Variants in ETV6 observed in about 807,000 individuals in gnomAD.
The protein encoded by ETV6 is ETS variant transcription factor 6.
A neutral mutation model predicts 51.1 loss-of-function variants in ETV6; 16 were observed. The observed-to-expected ratio is 0.31, with a 90% CI of 0.21 to 0.48. ETV6 has a LOEUF of 0.48. Ranked by LOEUF, ETV6 falls within the 20% of genes least tolerant of loss-of-function variation. The pLI, the probability that ETV6 is intolerant of heterozygous loss-of-function variation, is 0.99. For synonymous variants in ETV6, 240 were observed against 224.1 expected, an observed-to-expected ratio of 1.07 and a Z score of -0.64; for missense variants, 458 against 594.8, an observed-to-expected ratio of 0.77 and a Z score of 2.39.
chr12:11,717,858 C>G (rs1451891988), intron 1 of ETV6, among the ~76,000 whole-genome samples: 1 of 152,188 alleles, frequency 6.6e-6, no homozygotes, highest in African/African-American at 2.4e-5. Context: ...TATCTGACCT[C>G]CAACTACTCG....
chr12:11,659,651 C>T (rs1483735841), intron 1 of ETV6, among the ~76,000 whole-genome samples: 5 of 152,206 alleles, frequency 3.3e-5, no homozygotes, highest in Non-Finnish European at 7.3e-5. Context: ...GACATGCAGA[C>T]TCTAAAGCAT....
intron 2 of ETV6, among the ~76,000 whole-genome samples, chr12:11,765,211 A>G (rs188609294): frequency 4.6e-4 from 70 of 152,318 alleles, no homozygotes; most frequent in African/African-American, 1.3e-3. Flanking sequence ...GACTCTCCCT[A>G]GTCCCTTGCT....
intron 6 of ETV6, among the ~76,000 whole-genome samples, chr12:11,885,608 C>CGGAGCAGA (rs1439098615): frequency 2.4e-4 from 36 of 152,182 alleles, no homozygotes; most frequent in African/African-American, 8.4e-4. Context: ...ATTCCTCAGG[C>CGGAGCAGA]GGAGCAGAGA....
At chr12:11,730,168 C>T (rs1014210067) in intron 1 of ETV6, among the ~76,000 whole-genome samples, 2 of 152,162 alleles carry the variant, frequency 1.3e-5, no homozygotes, top group African/African-American at 4.8e-5. Context: ...ACAACTCTTC[C>T]TCTACAATCC....
intron 2 of ETV6, among the ~76,000 whole-genome samples, chr12:11,773,928 G>A (rs561855704): frequency 2.6e-5 from 4 of 152,322 alleles, no homozygotes; most frequent in South Asian, 4.1e-4. Flanking sequence ...CTGCTGCTGC[G>A]CTGGCTGGCA....
In ETV6 at chr12:11,809,448, A is replaced by G. The variant is rs530018571; in HGVS notation, c.164-29692A>G. 2.0e-5 allele frequency among the ~76,000 whole-genome samples: 3 copies of G among 152,330 alleles called. No homozygotes were observed. In the East Asian group the frequency reaches 5.8e-4, roughly 29 times the overall value. ...AGCTATTGATTTCCTCTTCTAATAAAGAGGAGAATGATATGGATAGTCCAG... is the reference window on the plus strand; with the variant it reads ...AGCTATTGATTTCCTCTTCTAATAAGGAGGAGAATGATATGGATAGTCCAG... On this transcript the variant is annotated intron_variant, in intron 2 of 7. Transcript: ENST00000396373.
chr12:11,682,086 G>A (rs1339881878), intron 1 of ETV6, among the ~76,000 whole-genome samples: 1 of 152,154 alleles, frequency 6.6e-6, no homozygotes, highest in Admixed American at 6.5e-5. Context: ...TATATACCTA[G>A]TAATGGGATT....
chr12:11,791,541 C>T (rs1229073071), intron 2 of ETV6, among the ~76,000 whole-genome samples: 1 of 152,172 alleles, frequency 6.6e-6, no homozygotes, highest in Non-Finnish European at 1.5e-5. Flanking sequence ...CCTGTAAGGT[C>T]GTGCATAAGG....
intron 2 of ETV6, among the ~76,000 whole-genome samples, chr12:11,764,480 A>G (rs572923668): frequency 3.9e-5 from 6 of 152,322 alleles, no homozygotes; most frequent in African/African-American, 1.4e-4. Context: ...AGAATGTGCA[A>G]GTCATCTGCA....
chr12:11,687,370 G>A lies in ETV6; in HGVS notation c.33+37210G>A, dbSNP rs557546889. Among the ~76,000 whole-genome samples, 526 of 151,390 alleles carry A rather than the reference G, an allele frequency of 3.5e-3. 4 individuals are homozygous for A. Among genetic ancestry groups the A allele is most frequent in the African/African-American group, 0.012 (493 of 41,200 alleles). ...TAATTTTTGTATTTTTAGTAAAAAC[G>A]AGGTTTCACCATGTTGGCCAGGCTG... is the stretch of plus-strand genomic sequence containing the variant. On this transcript the variant is annotated intron_variant, in intron 1 of 7. Coordinates refer to ENST00000396373, the MANE Select transcript of ETV6 (RefSeq NM_001987.5).
intron 2 of ETV6, among the ~76,000 whole-genome samples, chr12:11,815,149 A>G (rs1334566803): frequency 1.3e-5 from 2 of 152,172 alleles, no homozygotes; most frequent in African/African-American, 4.8e-5. Flanking sequence ...AGTCATGTCG[A>G]AGAACCTTCA....
intron 2 of ETV6, among the ~76,000 whole-genome samples, chr12:11,804,493 C>T (rs1477015819): frequency 1.0e-5 from 1 of 96,674 alleles, no homozygotes; most frequent in African/African-American, 4.5e-5. Flanking sequence ...TTGGAACACA[C>T]AAGTTTATGT....
chr12:11,825,499 T>A (rs1244697375), intron 2 of ETV6: 7 of 152,240 alleles, frequency 4.6e-5, no homozygotes, highest in African/African-American at 1.7e-4. Flanking sequence ...TGTCTTCACA[T>A]GGCCATCTCC....
chr12:11,875,772 A>G (rs551061241), intron 5 of ETV6, among the ~76,000 whole-genome samples: 2 of 152,306 alleles, frequency 1.3e-5, no homozygotes, highest in South Asian at 2.1e-4. Context: ...ACTGTGGCCC[A>G]AAGTGTGAGC....
chr12:11,726,243 G>A (rs1212449189), intron 1 of ETV6, among the ~76,000 whole-genome samples: 3 of 152,222 alleles, frequency 2.0e-5, no homozygotes, highest in African/African-American at 7.2e-5. Context: ...GGAAGAAGGA[G>A]TGTGAGGAGC....
At chr12:11,876,223 C>T (rs1946980435) in intron 5 of ETV6, among the ~76,000 whole-genome samples, 1 of 152,166 alleles carries the variant, frequency 6.6e-6, no homozygotes. Flanking sequence ...AAATAAAATA[C>T]TAAGTATTTA....
At chr12:11,786,551 G>C (rs1022663019) in intron 2 of ETV6, among the ~76,000 whole-genome samples, 1 of 152,140 alleles carries the variant, frequency 6.6e-6, no homozygotes, top group African/African-American at 2.4e-5. Context: ...GTCTAGAGGA[G>C]AGTCTTTTAT....
chr12:11,657,232 G>A (rs764601611), intron 1 of ETV6, among the ~76,000 whole-genome samples: 7 of 152,140 alleles, frequency 4.6e-5, no homozygotes, highest in Non-Finnish European at 7.4e-5. Context: ...GTCTTGTGGC[G>A]TTTAAAGAGC....
intron 1 of ETV6, among the ~76,000 whole-genome samples, chr12:11,720,189 G>C (rs1865356511): frequency 6.6e-6 from 1 of 152,190 alleles, no homozygotes; most frequent in Non-Finnish European, 1.5e-5. Flanking sequence ...GCATGTTCAG[G>C]CACAGCATTA....
Sources: allele counts gnomAD v4.1 joint callset (sites outside exome capture counted in the v4.1 genomes callset), GRCh38; gene constraint gnomAD v4.1.1; transcripts MANE v1.5; gene names NCBI Gene and HGNC (gene_info 2026-07-23, HGNC 2026-07-21).